Variants in PIK3C3 observed in about 807,000 individuals in gnomAD.
The protein encoded by PIK3C3 is PI3-kinase type 3.
A neutral mutation model predicts 126.1 loss-of-function variants in PIK3C3; 95 were observed. The observed-to-expected ratio is 0.75, with a 90% CI of 0.64 to 0.89. The LOEUF is 0.89. Among genes scored for constraint, PIK3C3 ranks in the 40% least tolerant of loss-of-function variants. The pLI, the probability that PIK3C3 is intolerant of heterozygous loss-of-function variation, is 0.00. For synonymous variants in PIK3C3, 374 were observed against 360.0 expected, an observed-to-expected ratio of 1.04 and a Z score of -0.44; for missense variants, 829 against 1,063.2, an observed-to-expected ratio of 0.78 and a Z score of 3.06.
intron 23 of PIK3C3, among the ~76,000 whole-genome samples, chr18:42,066,095 G>A (rs191126129): frequency 1.2e-4 from 18 of 152,264 alleles, no homozygotes; most frequent in African/African-American, 3.6e-4. Context: ...TCAAAAGATC[G>A]AACTTAAGGA....
At chr18:42,049,384 G>C in intron 20 of PIK3C3, 147 bp from the exon 21 acceptor site, 1 of 496,368 alleles carries the variant, frequency 2.0e-6, no homozygotes, top group Admixed American at 3.6e-5. Context: ...CAGACATGAA[G>C]ATTGCATATT....
At position 42,038,787 on chromosome 18, in the gene PIK3C3, C is replaced by T. The variant is rs752104656; in HGVS notation, c.1975C>T (p.Arg659Trp). The T allele has an allele frequency of 1.8e-5, 29 of 1,599,210 alleles. No homozygotes were observed. The highest frequency in any genetic ancestry group is 1.7e-4 in the Middle Eastern group (1 of 5,976). ...QIISLMDKLL[R>W]KENLDLKLTP... Reference sequence around the variant, plus strand: ...TTTACCTTTTGATTAAAAGCTGTTACGGAAAGAAAATCTGGACTTGAAATT... The same window carrying T: ...TTTACCTTTTGATTAAAAGCTGTTATGGAAAGAAAATCTGGACTTGAAATT... Residue 659 changes from arginine to tryptophan, a missense_variant, in exon 18 of 25, where the codon CGG (arginine) becomes TGG (tryptophan). Arg to Trp is a moderately radical substitution (Grantham distance 101). Coordinates refer to ENST00000262039, the MANE Select transcript of PIK3C3 (RefSeq NM_002647.4).
intron 10 of PIK3C3, 62 bp downstream of exon 10, chr18:42,004,603 CTATGTGTG>C: frequency 3.1e-6 from 4 of 1,307,438 alleles, no homozygotes; most frequent in Non-Finnish European, 4.2e-6. Context: ...TAATTATAAA[CTATGTGTG>C]TATGTGTGTG....
intron 15 of PIK3C3, among the ~76,000 whole-genome samples, 156 bp downstream of exon 15, chr18:42,029,597 C>T (rs1983736776): frequency 7.9e-6 from 1 of 126,532 alleles, no homozygotes; most frequent in African/African-American, 3.1e-5. Flanking sequence ...GGTTGGAGTG[C>T]AGTGGCACGA....
chr18:42,044,692 T>C (rs1984483493), intron 20 of PIK3C3, among the ~76,000 whole-genome samples: 1 of 152,202 alleles, frequency 6.6e-6, no homozygotes, highest in Non-Finnish European at 1.5e-5. Flanking sequence ...AGTGCAAAGA[T>C]TGAAGGCATG....
At chr18:42,029,024 A>ATG (rs1303743992) in intron 14 of PIK3C3, among the ~76,000 whole-genome samples, 1 of 152,194 alleles carries the variant, frequency 6.6e-6, no homozygotes, top group East Asian at 1.9e-4. Flanking sequence ...TAATGAGTGA[A>ATG]TGTATTTTAG....
At chr18:42,014,596 A>G (rs975965332) in intron 11 of PIK3C3, among the ~76,000 whole-genome samples, 1 of 152,196 alleles carries the variant, frequency 6.6e-6, no homozygotes, top group Non-Finnish European at 1.5e-5. Flanking sequence ...GAATCTTAAA[A>G]TTTGCAAATA....
At chr18:41,967,750 T>C (rs1473938888) in intron 3 of PIK3C3, among the ~76,000 whole-genome samples, 1 of 152,222 alleles carries the variant, frequency 6.6e-6, no homozygotes, top group Non-Finnish European at 1.5e-5. Context: ...TAGGTTGACC[T>C]GGCAAAGAAC....
At chr18:41,995,625 G>A (rs1981988143) in intron 7 of PIK3C3, among the ~76,000 whole-genome samples, 1 of 152,140 alleles carries the variant, frequency 6.6e-6, no homozygotes, top group Non-Finnish European at 1.5e-5. Context: ...TGGAAACCTT[G>A]AATATGTGGA....
intron 21 of PIK3C3, among the ~76,000 whole-genome samples, chr18:42,054,158 A>G (rs866983300): frequency 7.3e-5 from 3 of 41,164 alleles, no homozygotes; most frequent in East Asian, 7.4e-4. Flanking sequence ...ATATATATAT[A>G]TATATATATA....
intron 3 of PIK3C3, among the ~76,000 whole-genome samples, chr18:41,966,081 G>A (rs1004793494): frequency 5.3e-5 from 8 of 151,136 alleles, no homozygotes; most frequent in Admixed American, 3.3e-4. Context: ...CTGATTGCGT[G>A]AAATTATCTC....
chr18:42,009,867 G>A (rs1308043876), intron 10 of PIK3C3, among the ~76,000 whole-genome samples: 1 of 152,074 alleles, frequency 6.6e-6, no homozygotes, highest in Non-Finnish European at 1.5e-5. Context: ...GCAAGTTGTA[G>A]TCTTTTTGGT....
intron 21 of PIK3C3, chr18:42,051,276 G>A (rs1309993152): frequency 1.3e-5 from 2 of 152,200 alleles, no homozygotes; most frequent in African/African-American, 4.8e-5. Context: ...CAATAAATCA[G>A]TGTTGAATTA....
At chr18:42,001,141 G>C (rs1328776131) in intron 9 of PIK3C3, among the ~76,000 whole-genome samples, 1 of 152,148 alleles carries the variant, frequency 6.6e-6, no homozygotes, top group Non-Finnish European at 1.5e-5. Flanking sequence ...GTGATTTTCA[G>C]ATCAAATGAA....
At chr18:41,971,861 G>C (rs1015669105) in intron 4 of PIK3C3, among the ~76,000 whole-genome samples, 1 of 152,026 alleles carries the variant, frequency 6.6e-6, no homozygotes, top group African/African-American at 2.4e-5. Context: ...GGAATGGCCA[G>C]AGTCAAGAAA....
intron 3 of PIK3C3, among the ~76,000 whole-genome samples, chr18:41,965,809 G>T (rs1368777032): frequency 6.6e-6 from 1 of 152,104 alleles, no homozygotes; most frequent in Non-Finnish European, 1.5e-5. Flanking sequence ...AACCAAGCTG[G>T]CAGCGTGCCT....
chr18:42,030,332 G>T (rs1000243248), intron 15 of PIK3C3, among the ~76,000 whole-genome samples: 30 of 152,184 alleles, frequency 2.0e-4, no homozygotes, highest in Non-Finnish European at 2.9e-5. Flanking sequence ...GAGTAGATGA[G>T]TTCTTCACGT....
intron 21 of PIK3C3, among the ~76,000 whole-genome samples, chr18:42,054,911 C>A (rs1345188157): frequency 2.6e-5 from 4 of 151,552 alleles, no homozygotes; most frequent in Non-Finnish European, 4.4e-5. Context: ...TGTTTTACCA[C>A]CATGAGATGA....
intron 1 of PIK3C3, 55 bp downstream of exon 1, chr18:41,955,414 G>T (rs774830611): frequency 1.4e-6 from 2 of 1,463,404 alleles, no homozygotes; most frequent in East Asian, 2.3e-5. Context: ...GGACGTGGGG[G>T]CAGGGGCCTG....
Sources: gnomAD v4.1 joint callset for allele counts (sites outside exome capture counted in the v4.1 genomes callset) on GRCh38, gnomAD v4.1.1 for gene constraint, MANE v1.5 for transcripts, NCBI Gene and HGNC (gene_info 2026-07-23, HGNC 2026-07-21) for gene names.